Variants in LRP2 observed in about 807,000 individuals in gnomAD.
LRP2 encodes LDL receptor related protein 2.
A neutral mutation model predicts 531.0 loss-of-function variants in LRP2; 172 were observed. That is an observed-to-expected ratio of 0.32 (90% CI 0.29 to 0.37). The LOEUF is 0.37. Among genes scored for constraint, LRP2 ranks in the 10% least tolerant of loss-of-function variants. LRP2 has a pLI of 1.00. For synonymous variants in LRP2, 1,992 were observed against 2,027.6 expected, an observed-to-expected ratio of 0.98 and a Z score of 0.47; for missense variants, 5,167 against 5,868.3, an observed-to-expected ratio of 0.88 and a Z score of 3.90.
intron 33 of LRP2, among the ~76,000 whole-genome samples, chr2:169,220,978 G>A (rs1486440681): frequency 1.3e-5 from 2 of 152,120 alleles, no homozygotes; most frequent in African/African-American, 2.4e-5. Flanking sequence ...TCGGTGGCCA[G>A]TTACTGCCAA....
At chr2:169,259,511 GA>G (rs1690454712) in intron 16 of LRP2, among the ~76,000 whole-genome samples, 1 of 151,896 alleles carries the variant, frequency 6.6e-6, no homozygotes, top group Non-Finnish European at 1.5e-5. Flanking sequence ...CAACCTTCCA[GA>G]AAAAAATTTC....
Position 169,225,401 on chromosome 2 carries a change from G to A in LRP2, c.5447C>T (p.Ser1816Phe). ...CATAGAAGGCCCCACCATAGATATAGAAGCAAATACTGTCCTGTTGGTGCC... is the reference window on the plus strand; with the variant it reads ...CATAGAAGGCCCCACCATAGATATAAAAGCAAATACTGTCCTGTTGGTGCC... ...TDGTNRTVFASISMVGPSMNL... is the reference protein window; with the variant it reads ...TDGTNRTVFAFISMVGPSMNL... Residue 1816 changes from serine to phenylalanine, a missense_variant, in exon 33 of 79, where the codon TCT becomes TTT. Ser to Phe is a radical substitution (Grantham distance 155). Coordinates refer to ENST00000649046, the MANE Select transcript of LRP2 (RefSeq NM_004525.3). The A allele has an allele frequency of 6.2e-7, 1 of 1,614,022 alleles. No individual in the cohort carries two copies. The highest frequency in any genetic ancestry group is 8.5e-7 in the Non-Finnish European group (1 of 1,179,940).
intron 34 of LRP2, among the ~76,000 whole-genome samples, chr2:169,217,732 C>T (rs533048971): frequency 2.0e-5 from 3 of 152,114 alleles, no homozygotes; most frequent in East Asian, 1.9e-4. Context: ...TATCATGTTC[C>T]GCATATTGAC....
chr2:169,193,164 T>C (rs1393939580), intron 47 of LRP2, among the ~76,000 whole-genome samples: 2 of 152,134 alleles, frequency 1.3e-5, no homozygotes, highest in East Asian at 1.9e-4. Flanking sequence ...CAGTGGCTCA[T>C]GCTTGTAATC....
intron 11 of LRP2, 98 bp downstream of exon 11, chr2:169,280,252 G>C: frequency 7.3e-7 from 1 of 1,369,424 alleles, no homozygotes; most frequent in Middle Eastern, 1.8e-4. Context: ...TTTTTTGTTA[G>C]AAAACAAAGG....
At chr2:169,214,469 T>C (rs1190432546) in intron 35 of LRP2, among the ~76,000 whole-genome samples, 3 of 152,180 alleles carry the variant, frequency 2.0e-5, no homozygotes, top group African/African-American at 4.8e-5. Flanking sequence ...TAGATGTAGC[T>C]GGTTTAATTT....
At chr2:169,316,771 G>A (rs1004267983) in intron 3 of LRP2, among the ~76,000 whole-genome samples, 5 of 152,120 alleles carry the variant, frequency 3.3e-5, no homozygotes, top group African/African-American at 1.2e-4. Flanking sequence ...AGAGTGTCCA[G>A]AATGAGAAAA....
intron 1 of LRP2, among the ~76,000 whole-genome samples, chr2:169,326,206 C>CTCCCCTG (rs1685052892): frequency 1.9e-5 from 2 of 105,388 alleles, no homozygotes; most frequent in African/African-American, 7.8e-5. Context: ...CCTCTCCCCT[C>CTCCCCTG]TCCCCTCTCC....
chr2:169,284,813 A>G (rs1236532308), intron 9 of LRP2, among the ~76,000 whole-genome samples: 5 of 152,164 alleles, frequency 3.3e-5, no homozygotes, highest in African/African-American at 1.2e-4. Flanking sequence ...AAAAAAGTAC[A>G]GGACATTCTC....
At chr2:169,194,868 C>T (rs1687953283) in intron 46 of LRP2, among the ~76,000 whole-genome samples, 2 of 151,862 alleles carry the variant, frequency 1.3e-5, no homozygotes, top group African/African-American at 2.4e-5. Context: ...TGTGCCACCG[C>T]GCCCGGCTAA....
chr2:169,150,879 G>C lies in LRP2; in HGVS notation c.12590+19C>G, dbSNP rs190059794. ...CAGGGAGAAATATCTAGATGTTGAA[G>C]ACTTCTCCAAGTACTTACCCTAGTT... On this transcript the variant is annotated intron_variant, in intron 68 of 78. Transcript: ENST00000649046. 279 of 1,613,764 alleles carry C rather than the reference G, an allele frequency of 1.7e-4. No homozygotes were observed. Among genetic ancestry groups the C allele is most frequent in the Non-Finnish European group, 2.1e-4 (253 of 1,179,740 alleles).
At chr2:169,321,745 A>C (rs1431716519) in intron 1 of LRP2, among the ~76,000 whole-genome samples, 6 of 152,086 alleles carry the variant, frequency 3.9e-5, no homozygotes, top group Non-Finnish European at 8.8e-5. Context: ...AGCCAAAAAC[A>C]AAACAAAACA....
intron 4 of LRP2, among the ~76,000 whole-genome samples, chr2:169,295,614 T>A (rs1482512111): frequency 6.6e-6 from 1 of 152,110 alleles, no homozygotes; most frequent in Non-Finnish European, 1.5e-5. Context: ...CTCCCTGAGA[T>A]CAAGGATCCT....
intron 25 of LRP2, 138 bp downstream of exon 25, chr2:169,240,850 C>A (rs898497742): frequency 1.0e-6 from 1 of 966,366 alleles, no homozygotes; most frequent in East Asian, 2.4e-5. Context: ...TTATGGTTAC[C>A]CCCTACACAG....
intron 4 of LRP2, among the ~76,000 whole-genome samples, chr2:169,306,427 G>C (rs561437886): frequency 6.2e-4 from 95 of 152,266 alleles, no homozygotes; most frequent in African/African-American, 1.9e-3. Flanking sequence ...CCAGCTACTC[G>C]GGAGGCTGAG....
chr2:169,273,095 T>C, intron 14 of LRP2, 28 bp from the exon 15 acceptor site: 1 of 1,613,142 alleles, frequency 6.2e-7, no homozygotes, highest in Non-Finnish European at 8.5e-7. Context: ...CAGGGTTAAA[T>C]TGCAATTAGA....
At chr2:169,200,464 G>A (rs28454851) in intron 44 of LRP2, among the ~76,000 whole-genome samples, 20,445 of 151,932 alleles carry the variant, frequency 0.13, 3,241 homozygotes, top group African/African-American at 0.39. Context: ...TAAGAAGATG[G>A]ATTGGGGTCA....
At chr2:169,309,132 C>A (rs1684515549) in intron 3 of LRP2, among the ~76,000 whole-genome samples, 1 of 152,116 alleles carries the variant, frequency 6.6e-6, no homozygotes, top group Non-Finnish European at 1.5e-5. Flanking sequence ...AGCCCTTTGT[C>A]AGATGGGTAG....
chr2:169,135,783 AC>A (rs1270690865), intron 76 of LRP2, among the ~76,000 whole-genome samples: 1 of 152,136 alleles, frequency 6.6e-6, no homozygotes, highest in Non-Finnish European at 1.5e-5. Flanking sequence ...CATTCCAGAC[AC>A]CAGACCAACT....
Sources: gnomAD v4.1 joint callset for allele counts (sites outside exome capture counted in the v4.1 genomes callset) on GRCh38, gnomAD v4.1.1 for gene constraint, MANE v1.5 for transcripts, NCBI Gene and HGNC (gene_info 2026-07-23, HGNC 2026-07-21) for gene names.